Variants in CMIP observed in about 807,000 individuals in gnomAD.
The protein encoded by CMIP is c-Maf inducing protein.
A neutral mutation model predicts 97.3 loss-of-function variants in CMIP; 13 were observed. That is an observed-to-expected ratio of 0.13 (90% CI 0.09 to 0.21). The LOEUF (loss-of-function observed/expected upper bound fraction) is 0.21, where lower values mean the gene tolerates loss of function less well. Ranked by LOEUF, CMIP falls within the 10% of genes least tolerant of loss-of-function variation. CMIP has a pLI of 1.00. For missense variants in CMIP, 847 were observed against 1,024.9 expected (o/e 0.83, Z 2.37); for synonymous variants, 538 against 436.3 (o/e 1.23, Z -2.91).
intron 10 of CMIP, chr16:81,691,541 C>A (rs1283711497): frequency 1.7e-6 from 1 of 581,398 alleles, no homozygotes; most frequent in Admixed American, 3.0e-5. Context: ...GAATAGACAG[C>A]TCACCCCCTC....
Position 81,496,892 on chromosome 16 carries a change from G to A in CMIP, c.300+51351G>A, listed in dbSNP as rs538601739. On this transcript the variant is annotated intron_variant, in intron 1 of 20. Coordinates refer to ENST00000537098, the MANE Select transcript of CMIP (RefSeq NM_198390.3). ...GAGGGAGAAGCCAGTGCCGCTTGGC[G>A]GGCAGTGCCCGGGACACCCACCCAC... 6.6e-5 allele frequency among the ~76,000 whole-genome samples: 10 copies of A among 152,392 alleles called. No individual in the cohort carries two copies. In the East Asian group the frequency reaches 1.7e-3, roughly 26 times the overall value.
chr16:81,526,603 A>G (rs981148107), intron 1 of CMIP, among the ~76,000 whole-genome samples: 2 of 152,214 alleles, frequency 1.3e-5, no homozygotes, highest in African/African-American at 4.8e-5. Context: ...TTTCATTATG[A>G]TCAGCTTCCT....
intron 20 of CMIP, among the ~76,000 whole-genome samples, chr16:81,709,532 C>G (rs536484648): frequency 2.0e-5 from 3 of 152,214 alleles, no homozygotes; most frequent in African/African-American, 7.2e-5. Context: ...ATGGGAACCC[C>G]GCTGCCTGGT....
At chr16:81,538,422 C>T (rs2150834783) in intron 1 of CMIP, among the ~76,000 whole-genome samples, 1 of 152,366 alleles carries the variant, frequency 6.6e-6, no homozygotes. Context: ...ACAGCTTCAT[C>T]ATCATTAGTG....
At chr16:81,563,374 ACT>A (rs1282229153) in intron 1 of CMIP, among the ~76,000 whole-genome samples, 3 of 152,090 alleles carry the variant, frequency 2.0e-5, no homozygotes, top group South Asian at 2.1e-4. Context: ...CAAGTCACAA[ACT>A]CTGCGCGCTG....
chr16:81,485,617 T>C (rs2089302217), intron 1 of CMIP, among the ~76,000 whole-genome samples: 2 of 152,248 alleles, frequency 1.3e-5, no homozygotes, highest in Non-Finnish European at 2.9e-5. Flanking sequence ...GCCTATTTAT[T>C]TAGCTGTATG....
At chr16:81,586,123 G>T (rs1170572703) in intron 1 of CMIP, among the ~76,000 whole-genome samples, 3 of 151,640 alleles carry the variant, frequency 2.0e-5, no homozygotes, top group Non-Finnish European at 2.9e-5. Flanking sequence ...AAAGGATTTG[G>T]GGTGGGGGTG....
rs566967146 is a variant in CMIP, at chr16:81,594,872, C to T, written c.301-12695C>T. Among the ~76,000 whole-genome samples, 554 of 150,760 alleles carry T rather than the reference C, an allele frequency of 3.7e-3. 1 individual carries two copies. Among genetic ancestry groups the T allele is most frequent in the Non-Finnish European group, 5.7e-3 (387 of 67,722 alleles). On this transcript the variant is annotated intron_variant, in intron 1 of 20. Transcript: ENST00000537098. ...GTCTCAATCTCCTGACCTCATGATC[C>T]GCCCGCCTCGGCCTCCCAAAGTGCT...
At chr16:81,687,645 TG>T (rs1905560032) in intron 10 of CMIP, among the ~76,000 whole-genome samples, 1 of 151,966 alleles carries the variant, frequency 6.6e-6, no homozygotes, top group Admixed American at 6.6e-5. Context: ...GTCTGTAAAA[TG>T]GGGGTTGTCA....
chr16:81,495,245 G>A, intron 1 of CMIP: 1 of 1,287,408 alleles, frequency 7.8e-7, no homozygotes, highest in South Asian at 1.6e-5. Flanking sequence ...AGACACTGAT[G>A]GTCAGAGTGG....
At chr16:81,454,238 C>A (rs1338195448) in intron 1 of CMIP, among the ~76,000 whole-genome samples, 1 of 152,200 alleles carries the variant, frequency 6.6e-6, no homozygotes, top group African/African-American at 2.4e-5. Context: ...GCACAGTGCT[C>A]ATTTAATTTT....
intron 6 of CMIP, among the ~76,000 whole-genome samples, chr16:81,662,711 C>A (rs2092560759): frequency 6.6e-6 from 1 of 152,220 alleles, no homozygotes; most frequent in Admixed American, 6.5e-5. Flanking sequence ...GTGGGTGATA[C>A]ATGTGTGCAG....
At chr16:81,477,821 C>T (rs1344308171) in intron 1 of CMIP, among the ~76,000 whole-genome samples, 2 of 152,200 alleles carry the variant, frequency 1.3e-5, no homozygotes, top group African/African-American at 4.8e-5. Context: ...TGCCATTTTG[C>T]CTGCCTTCCA....
At chr16:81,663,227 G>A (rs2092566819) in intron 6 of CMIP, among the ~76,000 whole-genome samples, 1 of 151,988 alleles carries the variant, frequency 6.6e-6, no homozygotes, top group East Asian at 1.9e-4. Flanking sequence ...CCAGAACGTG[G>A]AAGCACCCAA....
At chr16:81,484,406 G>A (rs957246484) in intron 1 of CMIP, among the ~76,000 whole-genome samples, 2 of 152,202 alleles carry the variant, frequency 1.3e-5, no homozygotes, top group African/African-American at 2.4e-5. Flanking sequence ...ATGGCAACCC[G>A]TCTCCCCGAC....
intron 3 of CMIP, among the ~76,000 whole-genome samples, chr16:81,637,237 A>G (rs2092248705): frequency 6.6e-6 from 1 of 151,720 alleles, no homozygotes; most frequent in Admixed American, 6.6e-5. Context: ...TGCCCAGCTA[A>G]TTTTTTTGTA....
At chr16:81,640,495 G>C (rs546463848) in intron 3 of CMIP, among the ~76,000 whole-genome samples, 2 of 152,264 alleles carry the variant, frequency 1.3e-5, no homozygotes, top group East Asian at 3.9e-4. Context: ...ACAGCTGTCT[G>C]GGCTTCCAAC....
chr16:81,628,902 G>A (rs1234275803), intron 3 of CMIP, among the ~76,000 whole-genome samples: 2 of 151,942 alleles, frequency 1.3e-5, no homozygotes, highest in Admixed American at 6.6e-5. Context: ...TTCGGAGGCC[G>A]AGGCGGGAGG....
At chr16:81,597,135 A>G (rs747767882) in intron 1 of CMIP, among the ~76,000 whole-genome samples, 6 of 152,198 alleles carry the variant, frequency 3.9e-5, no homozygotes, top group Non-Finnish European at 8.8e-5. Flanking sequence ...TGGGAGCACA[A>G]ATATGGGCCT....
Sources: gnomAD v4.1 joint callset for allele counts (sites outside exome capture counted in the v4.1 genomes callset) on GRCh38, gnomAD v4.1.1 for gene constraint, MANE v1.5 for transcripts, NCBI Gene and HGNC (gene_info 2026-07-23, HGNC 2026-07-21) for gene names.